BMP5: variants seen among roughly 807,000 people sequenced by gnomAD.
BMP5 encodes the protein bone morphogenetic protein 5.
In BMP5, 23 loss-of-function variants were observed where a neutral mutation model predicts 46.6. The observed-to-expected ratio is 0.49, with a 90% confidence interval of 0.35 to 0.70. The LOEUF (loss-of-function observed/expected upper bound fraction) is 0.70, where lower values mean the gene tolerates loss of function less well. Among genes scored for constraint, BMP5 ranks in the 30% least tolerant of loss-of-function variants. The pLI, the probability that BMP5 is intolerant of heterozygous loss-of-function variation, is 0.00. For missense variants in BMP5, 545 were observed against 565.6 expected, an observed-to-expected ratio of 0.96 and a Z score of 0.37; for synonymous variants, 204 against 191.9, an observed-to-expected ratio of 1.06 and a Z score of -0.52.
intron 1 of BMP5, among the ~76,000 whole-genome samples, chr6:55,846,478 C>A (rs1286965671): frequency 2.0e-5 from 3 of 151,848 alleles, no homozygotes; most frequent in East Asian, 3.9e-4. Context: ...TTACTTAATA[C>A]CCTCATTTGA....
chr6:55,772,829 T>C (rs914733953), intron 4 of BMP5: 3 of 984,996 alleles, frequency 3.0e-6, no homozygotes, highest in Non-Finnish European at 1.2e-6. Flanking sequence ...GCCACACAAA[T>C]AGGACTTCTA....
intron 3 of BMP5, among the ~76,000 whole-genome samples, chr6:55,789,215 A>G (rs951765111): frequency 6.6e-6 from 1 of 152,028 alleles, no homozygotes; most frequent in African/African-American, 2.4e-5. Flanking sequence ...GCAAGTTTGA[A>G]TAGAAAGAAA....
At chr6:55,864,465 A>G (rs1777593559) in intron 1 of BMP5, among the ~76,000 whole-genome samples, 1 of 152,166 alleles carries the variant, frequency 6.6e-6, no homozygotes, top group Admixed American at 6.6e-5. Context: ...GTCTCTGCAC[A>G]TACTCACGTT....
chr6:55,868,302 G>T (rs1026895081), intron 1 of BMP5, among the ~76,000 whole-genome samples: 5 of 152,024 alleles, frequency 3.3e-5, no homozygotes, highest in Non-Finnish European at 5.9e-5. Context: ...TTTTTTTCTA[G>T]AAAGAAATTG....
chr6:55,824,392 C>T (rs531110152), intron 1 of BMP5, among the ~76,000 whole-genome samples: 1 of 151,934 alleles, frequency 6.6e-6, no homozygotes, highest in South Asian at 2.1e-4. Flanking sequence ...CATGAATTTC[C>T]AGAATCTTTA....
At chr6:55,809,592 A>T (rs1307801335) in intron 2 of BMP5, among the ~76,000 whole-genome samples, 1 of 152,160 alleles carries the variant, frequency 6.6e-6, no homozygotes, top group Non-Finnish European at 1.5e-5. Context: ...ATATATGTAT[A>T]TGTGTGTATG....
chr6:55,859,684 A>T (rs1777484544), intron 1 of BMP5, among the ~76,000 whole-genome samples: 1 of 152,218 alleles, frequency 6.6e-6, no homozygotes, highest in Admixed American at 6.5e-5. Context: ...GCTCCTTTTT[A>T]ATTTGACATA....
Position 55,755,493 on chromosome 6 carries a change from T to C in BMP5, c.*40A>G. 1 of 1,575,066 alleles carries C rather than the reference T, an allele frequency of 6.3e-7. No individual in the cohort carries two copies. Among genetic ancestry groups the C allele is most frequent in the Non-Finnish European group, 8.7e-7 (1 of 1,148,592 alleles). On this transcript the variant is annotated 3_prime_UTR_variant, in exon 7 of 7. Transcript: ENST00000370830. The stretch of plus-strand genomic sequence containing the variant: ...ATGCTTTTTATTGCAGCCATAAACC[T>C]TAATACAGATCTTTTTGTTATTATC...
chr6:55,869,277 G>C (rs1275809558), intron 1 of BMP5, among the ~76,000 whole-genome samples: 1 of 152,116 alleles, frequency 6.6e-6, no homozygotes, highest in Non-Finnish European at 1.5e-5. Flanking sequence ...CTGCTGTTTG[G>C]TATGAGGTAG....
intron 1 of BMP5, among the ~76,000 whole-genome samples, chr6:55,836,631 T>TACACACACACAC (rs61358651): frequency 6.5e-5 from 9 of 139,516 alleles, no homozygotes; most frequent in African/African-American, 2.2e-4. Context: ...CATACATACA[T>TACACACACACAC]ACACACACAC....
chr6:55,861,799 T>C (rs751513534), intron 1 of BMP5, among the ~76,000 whole-genome samples: 4 of 152,198 alleles, frequency 2.6e-5, no homozygotes, highest in Admixed American at 6.6e-5. Flanking sequence ...ATATAATATG[T>C]TGGAAAGTAT....
At chr6:55,818,353 T>A (rs1776327353) in intron 2 of BMP5, among the ~76,000 whole-genome samples, 1 of 152,100 alleles carries the variant, frequency 6.6e-6, no homozygotes, top group African/African-American at 2.4e-5. Flanking sequence ...AGTTTCTATT[T>A]CCTTACAAAG....
intron 4 of BMP5, 74 bp from the exon 5 acceptor site, chr6:55,760,607 G>T: frequency 9.7e-6 from 13 of 1,339,214 alleles, no homozygotes; most frequent in Non-Finnish European, 1.3e-5. Context: ...GAGATCACTG[G>T]TAAGATTTTT....
At chr6:55,815,443 A>G (rs1776236652) in intron 2 of BMP5, among the ~76,000 whole-genome samples, 1 of 152,204 alleles carries the variant, frequency 6.6e-6, no homozygotes, top group Admixed American at 6.5e-5. Flanking sequence ...TTAAAATGGC[A>G]GTGGAAGAGG....
intron 1 of BMP5, among the ~76,000 whole-genome samples, chr6:55,855,672 G>C (rs1328424897): frequency 6.6e-6 from 1 of 152,034 alleles, no homozygotes; most frequent in African/African-American, 2.4e-5. Flanking sequence ...TGTTTAATCA[G>C]ATGCTTAATT....
intron 3 of BMP5, among the ~76,000 whole-genome samples, chr6:55,778,004 T>C (rs1032675932): frequency 2.0e-5 from 3 of 152,036 alleles, no homozygotes; most frequent in African/African-American, 7.2e-5. Context: ...CGAAATTATC[T>C]TCTGTATTAG....
intron 1 of BMP5, among the ~76,000 whole-genome samples, chr6:55,856,972 A>G (rs992159630): frequency 6.6e-6 from 1 of 152,264 alleles, no homozygotes; most frequent in East Asian, 1.9e-4. Flanking sequence ...TACCTTAAAC[A>G]TTTTAATTTA....
At chr6:55,837,986 G>A (rs1776861274) in intron 1 of BMP5, among the ~76,000 whole-genome samples, 1 of 152,052 alleles carries the variant, frequency 6.6e-6, no homozygotes, top group Admixed American at 6.6e-5. Flanking sequence ...CAAACGACTG[G>A]GTCTCATTCT....
At chr6:55,837,096 G>A (rs966114200) in intron 1 of BMP5, among the ~76,000 whole-genome samples, 1 of 150,374 alleles carries the variant, frequency 6.7e-6, no homozygotes, top group African/African-American at 2.5e-5. Flanking sequence ...TTGTTTTCTA[G>A]GCTGGAGTGC....
Sources: gnomAD v4.1 joint callset for allele counts (sites outside exome capture counted in the v4.1 genomes callset) on GRCh38, gnomAD v4.1.1 for gene constraint, MANE v1.5 for transcripts, NCBI Gene and HGNC (gene_info 2026-07-23, HGNC 2026-07-21) for gene names.